ZNF532: variants seen among roughly 807,000 people sequenced by gnomAD.
ZNF532 encodes zinc finger protein 532.
A neutral mutation model predicts 89.3 loss-of-function variants in ZNF532; 22 were observed. That is an observed-to-expected ratio of 0.25 (90% CI 0.18 to 0.35). The LOEUF is 0.35. Among genes scored for constraint, ZNF532 ranks in the 10% least tolerant of loss-of-function variants. ZNF532 has a pLI of 1.00. For synonymous variants in ZNF532, 606 were observed against 649.6 expected (o/e 0.93, Z 1.02); for missense variants, 1,132 against 1,643.4 (o/e 0.69, Z 5.38).
At chr18:58,875,863 T>C (rs12964543) in intron 2 of ZNF532, among the ~76,000 whole-genome samples, 19,794 of 151,738 alleles carry the variant, frequency 0.13, 1,658 homozygotes, top group Middle Eastern at 0.25. Context: ...GTTCCGTACC[T>C]CTCGGGAGCC....
chr18:58,900,699 T>A (rs192736807), intron 2 of ZNF532, among the ~76,000 whole-genome samples: 5 of 152,218 alleles, frequency 3.3e-5, no homozygotes, highest in Non-Finnish European at 5.9e-5. Flanking sequence ...TCACAGCATA[T>A]TGTTTTTGGC....
chr18:58,976,138 G>C (rs778476912), intron 7 of ZNF532, among the ~76,000 whole-genome samples: 4 of 152,212 alleles, frequency 2.6e-5, no homozygotes, highest in Non-Finnish European at 5.9e-5. Flanking sequence ...AGGCAGGTTT[G>C]ATCTGGAAAC....
At chr18:58,888,894 TA>T (rs61516818) in intron 2 of ZNF532, among the ~76,000 whole-genome samples, 2,014 of 55,668 alleles carry the variant, frequency 0.036, 209 homozygotes, top group East Asian at 0.33. Flanking sequence ...ATATATTTTA[TA>T]TATATATATA....
intron 4 of ZNF532, among the ~76,000 whole-genome samples, chr18:58,938,332 G>A (rs1403038373): frequency 1.3e-5 from 2 of 152,256 alleles, no homozygotes; most frequent in African/African-American, 4.8e-5. Context: ...TGGTCATCAA[G>A]TGGAGGTGTA....
chr18:58,947,182 A>G (rs1034441481), intron 5 of ZNF532, among the ~76,000 whole-genome samples: 13 of 152,308 alleles, frequency 8.5e-5, no homozygotes, highest in Middle Eastern at 3.4e-3. Flanking sequence ...GACCCAGAGC[A>G]GTGACTAAAA....
intron 2 of ZNF532, among the ~76,000 whole-genome samples, chr18:58,917,823 G>C (rs1167026735): frequency 1.3e-5 from 2 of 151,636 alleles, no homozygotes; most frequent in Non-Finnish European, 2.9e-5. Context: ...TTTTTTGATT[G>C]TGGTATGTTT....
rs374818121 is a variant in ZNF532, at chr18:58,892,434, A to G, written c.-17-25837A>G. 1.2e-3 allele frequency among the ~76,000 whole-genome samples: 182 copies of G among 152,330 alleles called. 2 individuals carry two copies. The highest frequency in any genetic ancestry group is 9.3e-4 in the Non-Finnish European group (63 of 68,030). ...TATGTTACTGAGTGTGAAAATGCCT[A>G]TATATGTGTATGTATATTTATGCTT... On this transcript the variant is annotated intron_variant, in intron 2 of 9. Transcript: ENST00000591808.
At chr18:58,868,426 G>A (rs180740652) in intron 2 of ZNF532, among the ~76,000 whole-genome samples, 2 of 152,164 alleles carry the variant, frequency 1.3e-5, no homozygotes, top group Non-Finnish European at 2.9e-5. Flanking sequence ...CACCACGGGC[G>A]AAGCAGAACA....
At chr18:58,904,842 T>C (rs967379490) in intron 2 of ZNF532, among the ~76,000 whole-genome samples, 8 of 151,060 alleles carry the variant, frequency 5.3e-5, no homozygotes, top group South Asian at 4.2e-4. Flanking sequence ...TTCTTTCTTT[T>C]TTTTTTTTTT....
chr18:58,984,092 G>A lies in ZNF532; in HGVS notation c.3532G>A (p.Val1178Met), dbSNP rs377524200. 5.0e-6 allele frequency: 8 copies of A among 1,611,840 alleles called. No individual in the cohort carries two copies. Among genetic ancestry groups the A allele is most frequent in the Admixed American group, 1.7e-5 (1 of 60,002 alleles). ...TGTTTTTAAGGTTCACAAGTGTGCC[G>A]TGTGTGGCTTCACCACCGAAAACCT... is the stretch of plus-strand genomic sequence containing the variant. Reference protein sequence around the residue: ...INVFKVHKCAVCGFTTENLLQ... With the variant: ...INVFKVHKCAMCGFTTENLLQ... Residue 1178 changes from valine to methionine, a missense_variant, in exon 10 of 10, where the codon GTG becomes ATG. Physicochemically the swap from Val to Met is conservative, Grantham distance 21 (BLOSUM62 1). This residue lies in a region of ZNF532 where 415 missense variants were observed against 604.8 expected (regional missense o/e 0.69). Coordinates refer to ENST00000591808, the MANE Select transcript of ZNF532 (RefSeq NM_001375912.1).
chr18:58,943,536 C>T lies in ZNF532; in HGVS notation c.2705+3915C>T, dbSNP rs917656050. On this transcript the variant is annotated intron_variant, in intron 5 of 9. Coordinates refer to ENST00000591808, the MANE Select transcript of ZNF532 (RefSeq NM_001375912.1). Reference sequence around the variant, plus strand: ...GTAGTGCAGTGGCGCAATCTTGGCTCACTGCAACCTCCAACTCCCTGGTTC... The same window carrying T: ...GTAGTGCAGTGGCGCAATCTTGGCTTACTGCAACCTCCAACTCCCTGGTTC... Among the ~76,000 whole-genome samples the T allele has an allele frequency of 2.0e-5, 3 of 151,504 alleles. No individual in the cohort carries two copies. In the South Asian group the frequency reaches 6.3e-4, roughly 32 times the overall value.
At chr18:58,941,631 G>A (rs1244396140) in intron 5 of ZNF532, among the ~76,000 whole-genome samples, 1 of 151,786 alleles carries the variant, frequency 6.6e-6, no homozygotes, top group Non-Finnish European at 1.5e-5. Flanking sequence ...ACCACGCCTG[G>A]CTGATTTTTA....
In ZNF532 at chr18:58,984,473, A is replaced by T; in HGVS notation, c.*7A>T. 1 of 1,604,754 alleles carries T rather than the reference A, an allele frequency of 6.2e-7. No homozygotes were observed. The highest frequency in any genetic ancestry group is 2.2e-5 in the East Asian group (1 of 44,702). On this transcript the variant is annotated 3_prime_UTR_variant, in exon 10 of 10. Transcript: ENST00000591808. ...GAGCTCAGCCGAGAAATAGCCACAG[A>T]TGCTCCATGAGGAAAATCCCTGTCC...
At chr18:58,876,596 C>T (rs1361649849) in intron 2 of ZNF532, among the ~76,000 whole-genome samples, 1 of 152,116 alleles carries the variant, frequency 6.6e-6, no homozygotes, top group Non-Finnish European at 1.5e-5. Context: ...GGGGTTTATT[C>T]CTCTCCCTAC....
intron 2 of ZNF532, among the ~76,000 whole-genome samples, chr18:58,890,380 C>T (rs2058802226): frequency 6.6e-6 from 1 of 151,880 alleles, no homozygotes; most frequent in Non-Finnish European, 1.5e-5. Flanking sequence ...TCTTCTTCTA[C>T]CCAGAGGGCC....
At chr18:58,921,444 C>T (rs1476470470) in intron 3 of ZNF532, among the ~76,000 whole-genome samples, 1 of 152,194 alleles carries the variant, frequency 6.6e-6, no homozygotes, top group African/African-American at 2.4e-5. Context: ...ATGCATTTAT[C>T]AGTACCCATT....
In ZNF532 at chr18:58,986,090, A is replaced by T. The variant is rs2068364524; in HGVS notation, c.*1624A>T. ...GAATGGCATATTCGTTCTCATTAGT[A>T]ATCAGCTATTTTGTCACTTTCTTGT... On this transcript the variant is annotated 3_prime_UTR_variant, in exon 10 of 10. Coordinates refer to ENST00000591808, the MANE Select transcript of ZNF532 (RefSeq NM_001375912.1). 6.6e-6 allele frequency: 1 copy of T among 152,584 alleles called. No individual in the cohort carries two copies. The allele number at this position is 152,584 out of a possible 1,614,324, so 9.5% of individuals were successfully genotyped here.
intron 7 of ZNF532, among the ~76,000 whole-genome samples, chr18:58,971,387 T>C (rs1395925723): frequency 6.6e-6 from 1 of 152,246 alleles, no homozygotes; most frequent in African/African-American, 2.4e-5. Context: ...TATTTTCTAT[T>C]GAATGTGAAA....
intron 2 of ZNF532, among the ~76,000 whole-genome samples, chr18:58,884,282 G>A (rs1420971670): frequency 1.3e-5 from 2 of 152,244 alleles, no homozygotes; most frequent in East Asian, 3.8e-4. Context: ...TTGGAGGGCT[G>A]AGGCAGGAGA....
Sources: gnomAD v4.1 joint callset for allele counts (sites outside exome capture counted in the v4.1 genomes callset) on GRCh38, gnomAD v4.1.1 for gene constraint, gnomAD v4.1.1 regional missense constraint, MANE v1.5 for transcripts, NCBI Gene and HGNC (gene_info 2026-07-23, HGNC 2026-07-21) for gene names.